TFAP2A: variants seen among roughly 807,000 people sequenced by gnomAD.
The protein encoded by TFAP2A is transcription factor AP-2-alpha.
A neutral mutation model predicts 41.5 loss-of-function variants in TFAP2A; 7 were observed. The observed-to-expected ratio is 0.17, with a 90% CI of 0.10 to 0.32. TFAP2A has a LOEUF of 0.32. Among genes scored for constraint, TFAP2A ranks in the 10% least tolerant of loss-of-function variants. The pLI is 1.00. For synonymous variants in TFAP2A, 247 were observed against 242.8 expected (o/e 1.02, Z -0.16); for missense variants, 416 against 563.3 (o/e 0.74, Z 2.65).
At chr6:10,407,119 T>TG (rs1343527884) in intron 2 of TFAP2A, 1 of 490,246 alleles carries the variant, frequency 2.0e-6, no homozygotes, top group Non-Finnish European at 3.7e-6. Context: ...TCTTTGGAAA[T>TG]TAAATCAAGT....
At chr6:10,412,638 A>G (rs1225192855) in intron 1 of TFAP2A, 5 of 299,784 alleles carry the variant, frequency 1.7e-5, no homozygotes, top group Non-Finnish European at 3.5e-5. Context: ...AGCGGGTAGG[A>G]GCTGCTTGGG....
chr6:10,404,788 C>T (rs776516420), intron 3 of TFAP2A, 49 bp from the exon 4 acceptor site: 1 of 1,547,668 alleles, frequency 6.5e-7, no homozygotes, highest in Non-Finnish European at 8.9e-7. Context: ...GGATCACCCC[C>T]AAATCCTGCC....
chr6:10,408,805 C>T (rs1264571710), intron 2 of TFAP2A, among the ~76,000 whole-genome samples: 1 of 152,182 alleles, frequency 6.6e-6, no homozygotes, highest in East Asian at 1.9e-4. Context: ...TTTAAATTCA[C>T]CAAGCAAGGA....
At chr6:10,399,226 CAG>C (rs1305427610) in intron 6 of TFAP2A, among the ~76,000 whole-genome samples, 1 of 152,108 alleles carries the variant, frequency 6.6e-6, no homozygotes, top group Non-Finnish European at 1.5e-5. Flanking sequence ...TCAATGTGGA[CAG>C]AGAGACAAAA....
At chr6:10,406,870 G>T in intron 2 of TFAP2A, 26 bp from the exon 3 acceptor site, 1 of 1,572,276 alleles carries the variant, frequency 6.4e-7, no homozygotes, top group Non-Finnish European at 8.8e-7. Context: ...ACACATGGAT[G>T]TAAGTGTATC....
chr6:10,402,417 C>T (rs1296736620), intron 5 of TFAP2A, 75 bp downstream of exon 5: 14 of 1,110,122 alleles, frequency 1.3e-5, no homozygotes, highest in South Asian at 7.4e-5. Context: ...AAAATACGAC[C>T]AAACATCTGG....
At chr6:10,411,485 C>T in intron 1 of TFAP2A, 1 of 1,611,842 alleles carries the variant, frequency 6.2e-7, no homozygotes, top group Non-Finnish European at 8.5e-7. Flanking sequence ...GGCGTGAAAC[C>T]CGAGGTTTCG....
At chr6:10,411,710 C>T (rs1184245980) in intron 1 of TFAP2A, 2 of 1,570,028 alleles carry the variant, frequency 1.3e-6, no homozygotes, top group Admixed American at 1.9e-5. Context: ...GAGCCCCGCG[C>T]CACCCAGGAC....
At chr6:10,418,548 G>C (rs1356342881), upstream of TFAP2A, 1 of 152,308 alleles carries the variant, frequency 6.6e-6, no homozygotes, top group African/African-American at 2.4e-5. Context: ...CCTGGCCAGA[G>C]CCGCTCTGTT....
chr6:10,402,116 A>G (rs1160172503), intron 5 of TFAP2A: 2 of 365,922 alleles, frequency 5.5e-6, no homozygotes, highest in South Asian at 4.2e-5. Flanking sequence ...AAGATTCCCA[A>G]ATTAATTCAG....
intron 4 of TFAP2A, among the ~76,000 whole-genome samples, chr6:10,403,293 C>A (rs1190267281): frequency 6.6e-6 from 1 of 152,192 alleles, no homozygotes; most frequent in Non-Finnish European, 1.5e-5. Flanking sequence ...TTATTCCCTA[C>A]TCAAGTGCTC....
At chr6:10,412,979 C>T (rs892989447) in intron 1 of TFAP2A, 22 of 152,402 alleles carry the variant, frequency 1.4e-4, no homozygotes, top group Admixed American at 1.2e-3. Context: ...CGGCCCAGCC[C>T]GGGCGCCGCT....
chr6:10,410,046 C>A lies in TFAP2A; in HGVS notation c.341G>T (p.Arg114Leu). Reference protein sequence around the residue: ...SQESGLLHTHRGLPHQLSGLD... With the variant: ...SQESGLLHTHLGLPHQLSGLD... The stretch of plus-strand genomic sequence containing the variant: ...GCCCGACAGCTGGTGAGGCAGCCCC[C>A]GGTGCGTGTGCAGGAGCCCAGACTC... The change falls in exon 2 of 7, where the codon CGG becomes CTG. Residue 114 changes from arginine to leucine, a missense_variant. By Grantham distance (102) the Arg-to-Leu change is moderately radical. Around this residue, in one of 3 missense-constraint regions of TFAP2A, gnomAD observed 241 missense variants for 274.1 expected, o/e 0.88. Coordinates refer to ENST00000379613, the MANE Select transcript of TFAP2A (RefSeq NM_001372066.1). The A allele has an allele frequency of 6.2e-7, 1 of 1,612,814 alleles. No homozygotes were observed. The highest frequency in any genetic ancestry group is 8.5e-7 in the Non-Finnish European group (1 of 1,179,834).
At chr6:10,402,891 A>C (rs184556592) in intron 4 of TFAP2A, among the ~76,000 whole-genome samples, 5 of 152,354 alleles carry the variant, frequency 3.3e-5, no homozygotes, top group African/African-American at 1.2e-4. Flanking sequence ...ACCACAAACA[A>C]ACACAGCCCC....
chr6:10,407,136 G>A (rs909608107), intron 2 of TFAP2A: 1 of 453,014 alleles, frequency 2.2e-6, no homozygotes, highest in Non-Finnish European at 4.0e-6. Flanking sequence ...AAGTGTTGGA[G>A]CACCTAATCA....
chr6:10,414,014 T>C (rs1037643228), intron 1 of TFAP2A, among the ~76,000 whole-genome samples: 1 of 152,166 alleles, frequency 6.6e-6, no homozygotes, highest in Non-Finnish European at 1.5e-5. Flanking sequence ...GGTGGACAGG[T>C]CGCGCTAGGG....
chr6:10,397,733 C>A lies in TFAP2A; in HGVS notation c.*684G>T. The A allele has an allele frequency of 2.6e-6, 1 of 383,174 alleles. No individual in the cohort carries two copies. Among genetic ancestry groups the A allele is most frequent in the Non-Finnish European group, 3.6e-6 (1 of 279,830 alleles). The allele number at this position is 383,174 out of a possible 1,614,324, so 23.7% of individuals were successfully genotyped here. On this transcript the variant is annotated 3_prime_UTR_variant, in exon 7 of 7. Transcript: ENST00000379613. ...TAAATTACACATAAATAAATATATACAGAGACGTGAACACTGATTCCCTTA... is the reference window on the plus strand; with the variant it reads ...TAAATTACACATAAATAAATATATAAAGAGACGTGAACACTGATTCCCTTA...
chr6:10,402,018 A>G (rs1581259189), intron 5 of TFAP2A: 1 of 324,984 alleles, frequency 3.1e-6, no homozygotes, highest in East Asian at 8.0e-5. Flanking sequence ...AATTAAAGAG[A>G]TAAGGGAGCA....
chr6:10,413,727 G>A (rs1187178948), intron 1 of TFAP2A, among the ~76,000 whole-genome samples: 1 of 152,206 alleles, frequency 6.6e-6, no homozygotes, highest in East Asian at 1.9e-4. Flanking sequence ...ATAATCTTCA[G>A]AAAGAAAAGG....
Sources: gnomAD v4.1 joint callset for allele counts (sites outside exome capture counted in the v4.1 genomes callset) on GRCh38, gnomAD v4.1.1 for gene constraint, gnomAD v4.1.1 regional missense constraint, MANE v1.5 for transcripts, NCBI Gene and HGNC (gene_info 2026-07-23, HGNC 2026-07-21) for gene names.